The following MALRD1 variants were observed in gnomAD, a reference collection of about 807,000 sequenced individuals.
MALRD1 encodes the protein MAM and LDL-receptor class A domain-containing protein 1.
A neutral mutation model predicts 242.1 loss-of-function variants in MALRD1; 247 were observed. The observed-to-expected ratio is 1.02, with a 90% CI of 0.92 to 1.13. The LOEUF is 1.13. Ranked by LOEUF, MALRD1 falls within the 50% of genes most tolerant of loss-of-function variation. The pLI, the probability that MALRD1 is intolerant of heterozygous loss-of-function variation, is 0.00. For synonymous variants in MALRD1, 995 were observed against 866.6 expected (o/e 1.15, Z -2.60); for missense variants, 2,989 against 2,533.1 (o/e 1.18, Z -3.86).
intron 21 of MALRD1, among the ~76,000 whole-genome samples, chr10:19,321,751 C>T (rs940560864): frequency 1.3e-5 from 2 of 151,922 alleles, no homozygotes; most frequent in Admixed American, 1.3e-4. Context: ...ATGTTTGCAC[C>T]CATTAATCAA....
chr10:19,547,822 T>A (rs865956890), intron 32 of MALRD1, among the ~76,000 whole-genome samples: 554 of 26,810 alleles, frequency 0.021, no homozygotes, highest in East Asian at 0.029. Flanking sequence ...ATATATATTT[T>A]TTTTTTTTTT....
At chr10:19,320,062 T>C (rs1842856994) in intron 21 of MALRD1, among the ~76,000 whole-genome samples, 1 of 115,904 alleles carries the variant, frequency 8.6e-6, no homozygotes, top group African/African-American at 3.3e-5. Context: ...TTTTTTTTTT[T>C]TCAAATTTTA....
At chr10:19,643,089 G>A (rs766961232) in intron 36 of MALRD1, among the ~76,000 whole-genome samples, 13 of 152,070 alleles carry the variant, frequency 8.5e-5, no homozygotes, top group Admixed American at 1.3e-4. Context: ...TATTCTCTCT[G>A]TTGTAGAATT....
In MALRD1 at chr10:19,387,540, T is replaced by G. The variant is rs1299592412; in HGVS notation, c.4454T>G (p.Leu1485Arg). 1.9e-6 allele frequency: 3 copies of G among 1,550,122 alleles called. No homozygotes were observed. The South Asian group carries it at 3.6e-5, about 18-fold the overall frequency. The change falls in exon 27 of 40, where the codon CTT becomes CGT. Residue 1485 changes from leucine to arginine, a missense_variant. Physicochemically the swap from Leu to Arg is moderately radical, Grantham distance 102. Transcript: ENST00000454679. ...TGTTTTGTTTTAGGTTTCTGCCCAC[T>G]TGGCTATAGGGAATGTCATAATGGA... ...AVPLPTGFCP[L>R]GYRECHNGKC... is the part of the protein sequence containing the mutation.
intron 26 of MALRD1, among the ~76,000 whole-genome samples, chr10:19,365,659 TAAAAAAAAAAAAAAAAAA>T (rs199989681): frequency 8.1e-6 from 1 of 122,874 alleles, no homozygotes; most frequent in Non-Finnish European, 1.7e-5. Flanking sequence ...TTATAAATTC[TAAAAAAAAAAAAAAAAAA>T]AAAAAAAAAA....
At chr10:19,692,757 A>G (rs1401045070) in intron 38 of MALRD1, among the ~76,000 whole-genome samples, 1 of 149,284 alleles carries the variant, frequency 6.7e-6, no homozygotes, top group African/African-American at 2.4e-5. Flanking sequence ...TAAAGCCTGA[A>G]GTTTACTTTT....
chr10:19,087,977 G>A lies in MALRD1; in HGVS notation c.435+43G>A, dbSNP rs986233920. On this transcript the variant is annotated intron_variant, in intron 3 of 39. Coordinates refer to ENST00000454679, the MANE Select transcript of MALRD1 (RefSeq NM_001142308.3). ...GCATTTTAAATATTTTGTCACATTT[G>A]GGGACTTCTTTATCATAATTGTTTG... 4 of 1,232,138 alleles carry A rather than the reference G, an allele frequency of 3.2e-6. No homozygotes were observed. In the Admixed American group the frequency reaches 1.7e-4, roughly 52 times the overall value. The allele number at this position is 1,232,138 out of a possible 1,614,324, so 76.3% of individuals were successfully genotyped here. A position where few individuals can be genotyped will look rare whatever the true frequency, so the allele number is the denominator to read the frequency against.
At chr10:19,569,057 C>A (rs539134134) in intron 33 of MALRD1, among the ~76,000 whole-genome samples, 2 of 152,108 alleles carry the variant, frequency 1.3e-5, no homozygotes, top group East Asian at 3.9e-4. Context: ...GTAAGTAAAT[C>A]TATTATTGTA....
intron 18 of MALRD1, among the ~76,000 whole-genome samples, chr10:19,244,502 A>G (rs1429853343): frequency 6.6e-6 from 1 of 152,074 alleles, no homozygotes; most frequent in Non-Finnish European, 1.5e-5. Context: ...TCCGAGAGGC[A>G]GAGGTGTGAG....
At chr10:19,351,386 T>A (rs1394822782) in intron 25 of MALRD1, among the ~76,000 whole-genome samples, 1 of 152,148 alleles carries the variant, frequency 6.6e-6, no homozygotes, top group African/African-American at 2.4e-5. Context: ...AAATACTTTT[T>A]ATTAATTTTT....
chr10:19,716,481 C>T (rs967598295), intron 38 of MALRD1, among the ~76,000 whole-genome samples: 1 of 152,216 alleles, frequency 6.6e-6, no homozygotes, highest in African/African-American at 2.4e-5. Context: ...TATATTTCCT[C>T]AGGCATCCCC....
At chr10:19,726,072 C>A (rs1219867337) in intron 38 of MALRD1, among the ~76,000 whole-genome samples, 2 of 152,008 alleles carry the variant, frequency 1.3e-5, no homozygotes, top group Non-Finnish European at 2.9e-5. Flanking sequence ...ACCAAAAGCA[C>A]AAGCAACAAC....
chr10:19,259,462 G>C (rs540087481), intron 19 of MALRD1, among the ~76,000 whole-genome samples: 1 of 152,248 alleles, frequency 6.6e-6, no homozygotes, highest in African/African-American at 2.4e-5. Context: ...TGAAGGAGGA[G>C]CAAAGTCAAG....
intron 36 of MALRD1, among the ~76,000 whole-genome samples, chr10:19,664,574 A>G (rs1366696925): frequency 6.6e-6 from 1 of 152,108 alleles, no homozygotes; most frequent in Non-Finnish European, 1.5e-5. Flanking sequence ...AAGGCTTCAC[A>G]GAATAACATC....
At chr10:19,184,325 G>A (rs544459131) in intron 14 of MALRD1, among the ~76,000 whole-genome samples, 1 of 152,306 alleles carries the variant, frequency 6.6e-6, no homozygotes, top group East Asian at 1.9e-4. Flanking sequence ...GCTCCAGAGA[G>A]CAGAGCCAGT....
At chr10:19,187,241 A>G (rs1835779929) in intron 14 of MALRD1, among the ~76,000 whole-genome samples, 1 of 152,050 alleles carries the variant, frequency 6.6e-6, no homozygotes, top group Non-Finnish European at 1.5e-5. Flanking sequence ...GGACAGACTG[A>G]CCCTTATAAT....
chr10:19,678,883 C>T (rs1008015137), intron 36 of MALRD1, among the ~76,000 whole-genome samples: 1 of 151,972 alleles, frequency 6.6e-6, no homozygotes, highest in Admixed American at 6.6e-5. Context: ...TATTGAAGGC[C>T]TTTTCTGCAT....
chr10:19,389,645 T>C, intron 28 of MALRD1, 36 bp downstream of exon 28: 2 of 1,534,692 alleles, frequency 1.3e-6, no homozygotes, highest in East Asian at 2.5e-5. Flanking sequence ...TGAGCTTGTT[T>C]TGTTCTGTTT....
intron 30 of MALRD1, among the ~76,000 whole-genome samples, chr10:19,496,045 A>C (rs895727407): frequency 1.3e-5 from 2 of 152,206 alleles, no homozygotes; most frequent in Admixed American, 6.5e-5. Context: ...TAGGCACCCA[A>C]CACAGGAGTA....
Sources: gnomAD v4.1 joint callset for allele counts (sites outside exome capture counted in the v4.1 genomes callset) on GRCh38, gnomAD v4.1.1 for gene constraint, MANE v1.5 for transcripts, NCBI Gene and HGNC (gene_info 2026-07-23, HGNC 2026-07-21) for gene names.